The following TSHZ3 variants were observed in gnomAD, a reference collection of about 807,000 sequenced individuals.
The protein encoded by TSHZ3 is teashirt homolog 3.
TSHZ3 carries 10 observed loss-of-function variants against 64.5 expected under a neutral mutation model. The observed-to-expected ratio is 0.16, with a 90% CI of 0.10 to 0.26. The LOEUF (loss-of-function observed/expected upper bound fraction) is 0.26. TSHZ3 is among the 10% of genes least tolerant of loss of function. The pLI, the probability that TSHZ3 is intolerant of heterozygous loss-of-function variation, is 1.00. For synonymous variants in TSHZ3, 608 were observed against 593.1 expected, an observed-to-expected ratio of 1.03 and a Z score of -0.36; for missense variants, 1,242 against 1,421.7, an observed-to-expected ratio of 0.87 and a Z score of 2.03.
intron 3 of TSHZ3, among the ~76,000 whole-genome samples, chr19:31,238,177 A>G (rs78176897): frequency 0.018 from 2,715 of 152,162 alleles, 81 homozygotes; most frequent in African/African-American, 0.063. Context: ...TAATTACCAA[A>G]AGAGAAATGT....
chr19:31,223,664 G>A (rs769597857), intron 4 of TSHZ3, among the ~76,000 whole-genome samples: 7 of 152,108 alleles, frequency 4.6e-5, no homozygotes, highest in Admixed American at 1.3e-4. Context: ...TATAAGGTTC[G>A]TGTGTCAATG....
intron 1 of TSHZ3, among the ~76,000 whole-genome samples, chr19:31,281,721 A>G (rs1976363723): frequency 6.6e-6 from 1 of 152,192 alleles, no homozygotes; most frequent in South Asian, 2.1e-4. Context: ...CTGTGAATGC[A>G]TGTGTTGGAA....
At chr19:31,250,336 C>T (rs985239871) in intron 1 of TSHZ3, among the ~76,000 whole-genome samples, 17 of 152,178 alleles carry the variant, frequency 1.1e-4, no homozygotes, top group African/African-American at 2.7e-4. Flanking sequence ...CTCTCACAAA[C>T]GCTGGTGGAT....
chr19:31,224,633 C>G (rs1262558339), intron 4 of TSHZ3, among the ~76,000 whole-genome samples: 1 of 152,170 alleles, frequency 6.6e-6, no homozygotes, highest in Non-Finnish European at 1.5e-5. Flanking sequence ...TTCTAATACT[C>G]TAGCCTTAGG....
intron 1 of TSHZ3, among the ~76,000 whole-genome samples, chr19:31,324,347 G>A (rs990279274): frequency 6.6e-6 from 1 of 152,216 alleles, no homozygotes; most frequent in African/African-American, 2.4e-5. Flanking sequence ...GATGAATACT[G>A]CCAGTTGACT....
At chr19:31,293,549 C>T (rs1429604033) in intron 1 of TSHZ3, among the ~76,000 whole-genome samples, 1 of 152,220 alleles carries the variant, frequency 6.6e-6, no homozygotes, top group Non-Finnish European at 1.5e-5. Flanking sequence ...CAAGGTCCTG[C>T]TCATTCCATG....
chr19:31,167,237 G>C (rs961142926), intron 5 of TSHZ3, among the ~76,000 whole-genome samples: 35 of 152,186 alleles, frequency 2.3e-4, no homozygotes, highest in Admixed American at 2.3e-3. Flanking sequence ...GAATGTAATT[G>C]AAACAATTCA....
intron 1 of TSHZ3, among the ~76,000 whole-genome samples, chr19:31,295,317 T>C (rs796945925): frequency 1.3e-4 from 20 of 152,290 alleles, no homozygotes; most frequent in African/African-American, 4.3e-4. Context: ...CTAGACCCAT[T>C]AGATGTGCAT....
intron 1 of TSHZ3, among the ~76,000 whole-genome samples, chr19:31,314,560 T>C (rs895591116): frequency 7.9e-5 from 12 of 152,268 alleles, no homozygotes; most frequent in African/African-American, 2.9e-4. Flanking sequence ...TACTACATTC[T>C]TGTGCATAAC....
chr19:31,292,981 CCATCCATT>C (rs1460578495), intron 1 of TSHZ3, among the ~76,000 whole-genome samples: 16 of 151,282 alleles, frequency 1.1e-4, no homozygotes, highest in South Asian at 2.1e-4. Flanking sequence ...ATCCATCCAT[CCATCCATT>C]CAAAAATTCA....
At chr19:31,294,066 G>A (rs190840642) in intron 1 of TSHZ3, among the ~76,000 whole-genome samples, 14 of 152,272 alleles carry the variant, frequency 9.2e-5, no homozygotes, top group Admixed American at 6.5e-4. Flanking sequence ...CAGTTCTGGC[G>A]AAGTTCCTCA....
At chr19:31,332,224 T>A (rs368168930) in intron 1 of TSHZ3, among the ~76,000 whole-genome samples, 4 of 152,172 alleles carry the variant, frequency 2.6e-5, no homozygotes, top group Non-Finnish European at 4.4e-5. Context: ...CATCTGGAAT[T>A]TCATGATATG....
intron 4 of TSHZ3, among the ~76,000 whole-genome samples, chr19:31,226,626 C>T (rs963217830): frequency 3.9e-5 from 6 of 152,132 alleles, no homozygotes; most frequent in African/African-American, 7.2e-5. Flanking sequence ...TCCCTGCTAA[C>T]CGCTCTAAAT....
At chr19:31,252,094 C>T (rs966736984) in intron 1 of TSHZ3, among the ~76,000 whole-genome samples, 1 of 152,190 alleles carries the variant, frequency 6.6e-6, no homozygotes, top group Non-Finnish European at 1.5e-5. Flanking sequence ...TGTGTAAATT[C>T]GTTTCCTGAG....
intron 1 of TSHZ3, among the ~76,000 whole-genome samples, chr19:31,304,419 G>A (rs1976805723): frequency 6.6e-6 from 1 of 151,998 alleles, no homozygotes; most frequent in Admixed American, 6.6e-5. Context: ...CACCTTTCTG[G>A]GGGCCCTGCC....
intron 1 of TSHZ3, among the ~76,000 whole-genome samples, chr19:31,300,902 A>G (rs1976744967): frequency 6.6e-6 from 1 of 152,150 alleles, no homozygotes; most frequent in South Asian, 2.1e-4. Context: ...CACTGACAAT[A>G]CCGTGCGCCT....
chr19:31,169,980 T>G (rs1468405168), intron 5 of TSHZ3, among the ~76,000 whole-genome samples: 1 of 152,162 alleles, frequency 6.6e-6, no homozygotes, highest in Non-Finnish European at 1.5e-5. Flanking sequence ...TCAGCTGTTT[T>G]TCATCTGCAC....
intron 5 of TSHZ3, among the ~76,000 whole-genome samples, chr19:31,181,738 A>G (rs537892292): frequency 2.7e-4 from 41 of 152,338 alleles, no homozygotes; most frequent in Non-Finnish European, 4.9e-4. Context: ...GTCCCAGGCC[A>G]GGGGACTTGG....
At chr19:31,161,930 G>A (rs1276573543) in intron 5 of TSHZ3, among the ~76,000 whole-genome samples, 1 of 152,240 alleles carries the variant, frequency 6.6e-6, no homozygotes, top group African/African-American at 2.4e-5. Flanking sequence ...GGGCCTGGAT[G>A]TGGCCCACTG....
Sources: gnomAD v4.1 joint callset for allele counts (sites outside exome capture counted in the v4.1 genomes callset) on GRCh38, gnomAD v4.1.1 for gene constraint, MANE v1.5 for transcripts, NCBI Gene and HGNC (gene_info 2026-07-23, HGNC 2026-07-21) for gene names.